The following DNAAF5 variants were observed in gnomAD, a reference collection of about 807,000 sequenced individuals.
DNAAF5 encodes the protein dynein axonemal assembly factor 5, also known as HEAT repeat containing 2.
DNAAF5 carries 64 observed loss-of-function variants against 75.8 expected under a neutral mutation model. That is an observed-to-expected ratio of 0.84 (90% CI 0.69 to 1.04). The LOEUF (loss-of-function observed/expected upper bound fraction) is 1.04. Ranked by LOEUF, DNAAF5 falls within the 50% of genes least tolerant of loss-of-function variation. DNAAF5 has a pLI of 0.00. For synonymous variants in DNAAF5, 657 were observed against 557.2 expected, an observed-to-expected ratio of 1.18 and a Z score of -2.52; for missense variants, 1,269 against 1,178.5, an observed-to-expected ratio of 1.08 and a Z score of -1.12.
At chr7:781,652 C>T in intron 12 of DNAAF5, among the ~76,000 whole-genome samples, 1 of 152,238 alleles carries the variant, frequency 6.6e-6, no homozygotes, top group East Asian at 1.9e-4. Context: ...TCCCTTGTCT[C>T]CACATCCGCG....
intron 4 of DNAAF5, among the ~76,000 whole-genome samples, chr7:748,699 C>A (rs1469708979): frequency 6.6e-6 from 1 of 152,124 alleles, no homozygotes; most frequent in African/African-American, 2.4e-5. Context: ...CCTCACCGCT[C>A]GCTCCAGGGG....
chr7:772,670 T>C (rs931959339), intron 9 of DNAAF5: 13 of 152,294 alleles, frequency 8.5e-5, no homozygotes, highest in African/African-American at 2.9e-4. Context: ...CTATAGTGTC[T>C]TGGGGTCCTG....
At chr7:774,984 C>T (rs778423656) in intron 10 of DNAAF5, 22 bp from the exon 11 acceptor site, 2 of 1,613,222 alleles carry the variant, frequency 1.2e-6, no homozygotes, top group Non-Finnish European at 1.7e-6. Flanking sequence ...TGAGTCACGT[C>T]GTATGTGTTT....
chr7:762,484 T>C (rs1583503586), intron 7 of DNAAF5, among the ~76,000 whole-genome samples: 1 of 139,440 alleles, frequency 7.2e-6, no homozygotes, highest in Non-Finnish European at 1.6e-5. Flanking sequence ...AGAGCGAGAC[T>C]CCGTCCAAAA....
intron 4 of DNAAF5, among the ~76,000 whole-genome samples, chr7:743,829 A>ATATT (rs1172708418): frequency 6.6e-6 from 1 of 150,524 alleles, no homozygotes; most frequent in Non-Finnish European, 1.5e-5. Context: ...TTTTTAGTTT[A>ATATT]TATTTATTTA....
chr7:760,162 G>C (rs1239554961), intron 6 of DNAAF5, among the ~76,000 whole-genome samples: 1 of 152,142 alleles, frequency 6.6e-6, no homozygotes, highest in Non-Finnish European at 1.5e-5. Context: ...GTCTTCTGTG[G>C]GTCAGGGCGG....
intron 4 of DNAAF5, among the ~76,000 whole-genome samples, chr7:743,268 C>T (rs1010734742): frequency 3.3e-5 from 5 of 152,032 alleles, no homozygotes; most frequent in South Asian, 2.1e-4. Context: ...CCAGCTGCTC[C>T]AGAGGCTGAG....
intron 4 of DNAAF5, among the ~76,000 whole-genome samples, chr7:750,527 C>A (rs1381296652): frequency 6.6e-6 from 1 of 152,174 alleles, no homozygotes; most frequent in African/African-American, 2.4e-5. Flanking sequence ...GCATTCAATT[C>A]TCATAAGGAG....
At chr7:762,427 C>T (rs1782688345) in intron 7 of DNAAF5, among the ~76,000 whole-genome samples, 1 of 150,552 alleles carries the variant, frequency 6.6e-6, no homozygotes, top group Admixed American at 6.6e-5. Context: ...GCAGAGGTTG[C>T]AGTGAGCCAA....
chr7:781,961 C>T (rs1225131322), intron 12 of DNAAF5, among the ~76,000 whole-genome samples: 1 of 152,268 alleles, frequency 6.6e-6, no homozygotes, highest in African/African-American at 2.4e-5. Flanking sequence ...CGGCTGTACT[C>T]TGCTCATTCT....
At position 729,857 on chromosome 7, in the gene DNAAF5, G is replaced by T; in HGVS notation, c.780+10G>T. ...TGATGACGTCCCGCAGGTAACTGGTGTTTCTCCTGGACAGTCTGTTCCTCT... is the reference window on the plus strand; with the variant it reads ...TGATGACGTCCCGCAGGTAACTGGTTTTTCTCCTGGACAGTCTGTTCCTCT... On this transcript the variant is annotated intron_variant, in intron 2 of 12. Coordinates refer to ENST00000297440, the MANE Select transcript of DNAAF5 (RefSeq NM_017802.4). 2 of 1,613,814 alleles carry T rather than the reference G, an allele frequency of 1.2e-6. No homozygotes were observed. The highest frequency in any genetic ancestry group is 8.5e-7 in the Non-Finnish European group (1 of 1,179,824).
intron 12 of DNAAF5, among the ~76,000 whole-genome samples, chr7:782,761 A>G (rs1374254398): frequency 9.0e-6 from 1 of 111,706 alleles, no homozygotes; most frequent in Non-Finnish European, 1.8e-5. Context: ...CAGAAACTCG[A>G]TCTTCCTGGC....
In DNAAF5 at chr7:729,657, C is replaced by T; in HGVS notation, c.596-6C>T. On this transcript the variant is annotated splice_region_variant and splice_polypyrimidine_tract_variant and intron_variant, in intron 1 of 12. Coordinates refer to ENST00000297440, the MANE Select transcript of DNAAF5 (RefSeq NM_017802.4). ...TCTGGTAACTGGGGGCCTCCCTGTC[C>T]CTCAGACCACTTCCACATGCAGTCG... The T allele has an allele frequency of 6.2e-7, 1 of 1,612,822 alleles. No homozygotes were observed. The highest frequency in any genetic ancestry group is 8.5e-7 in the Non-Finnish European group (1 of 1,179,340).
intron 4 of DNAAF5, among the ~76,000 whole-genome samples, chr7:753,945 G>A (rs1201731308): frequency 6.8e-6 from 1 of 147,336 alleles, no homozygotes; most frequent in Non-Finnish European, 1.5e-5. Flanking sequence ...TATGGGGACG[G>A]CTTCGCAGGC....
At chr7:731,932 C>T (rs1406874379) in intron 2 of DNAAF5, among the ~76,000 whole-genome samples, 2 of 152,154 alleles carry the variant, frequency 1.3e-5, no homozygotes, top group African/African-American at 4.8e-5. Flanking sequence ...CCCTCAACAA[C>T]CCAGGGACTG....
intron 9 of DNAAF5, chr7:771,044 A>G (rs557728729): frequency 1.3e-5 from 2 of 158,462 alleles, no homozygotes; most frequent in Non-Finnish European, 2.8e-5. Flanking sequence ...CAGTGAATGA[A>G]AAAGTTTTAG....
intron 2 of DNAAF5, among the ~76,000 whole-genome samples, chr7:733,315 A>T (rs1367510705): frequency 6.6e-6 from 1 of 150,546 alleles, no homozygotes; most frequent in Non-Finnish European, 1.5e-5. Flanking sequence ...ATTTAGGATT[A>T]TTTTTTCTAT....
At chr7:769,937 A>C (rs1778496321) in intron 8 of DNAAF5, among the ~76,000 whole-genome samples, 1 of 151,676 alleles carries the variant, frequency 6.6e-6, no homozygotes, top group Non-Finnish European at 1.5e-5. Context: ...GTGAGCCACC[A>C]CGTCCAGGTT....
intron 8 of DNAAF5, among the ~76,000 whole-genome samples, chr7:767,311 A>C (rs34618458): frequency 0.012 from 1,876 of 150,382 alleles, 24 homozygotes; most frequent in Non-Finnish European, 0.021. Context: ...GCTGCTGCCT[A>C]GGGTGGCTGA....
Sources: gnomAD v4.1 joint callset for allele counts (sites outside exome capture counted in the v4.1 genomes callset) on GRCh38, gnomAD v4.1.1 for gene constraint, MANE v1.5 for transcripts, NCBI Gene and HGNC (gene_info 2026-07-23, HGNC 2026-07-21) for gene names.